Variants in MTRR observed in about 807,000 individuals in gnomAD.
MTRR encodes methionine synthase reductase.
In MTRR, 63 loss-of-function variants were observed where a neutral mutation model predicts 79.2. The ratio of observed to expected loss-of-function variants is 0.80; its 90% confidence interval spans 0.65 to 0.98. The LOEUF is 0.98. Ranked by LOEUF, MTRR falls within the 50% of genes least tolerant of loss-of-function variation. MTRR has a pLI of 0.00. For synonymous variants in MTRR, 355 were observed against 313.3 expected, an observed-to-expected ratio of 1.13 and a Z score of -1.41; for missense variants, 895 against 839.6, an observed-to-expected ratio of 1.07 and a Z score of -0.82.
chr5:7,875,432 A>C, intron 4 of MTRR, 57 bp downstream of exon 4: 8 of 1,374,060 alleles, frequency 5.8e-6, no homozygotes, highest in Non-Finnish European at 8.3e-6. Context: ...ATGGAAGTTG[A>C]TTTGTAAAAC....
upstream of MTRR, chr5:7,869,123 G>A (rs542841318): frequency 6.2e-7 from 1 of 1,613,474 alleles, no homozygotes; most frequent in Non-Finnish European, 8.5e-7. Context: ...TATTGGTCCT[G>A]GGTACCGAGC....
At chr5:7,899,815 C>A (rs1739184390) in intron 14 of MTRR, 99 bp from the exon 15 acceptor site, 2 of 1,450,384 alleles carry the variant, frequency 1.4e-6, no homozygotes, top group Admixed American at 3.3e-5. Flanking sequence ...GAGGGAAGAA[C>A]TATGGTGGTA....
chr5:7,899,613 A>G (rs958266358), intron 14 of MTRR, among the ~76,000 whole-genome samples: 1 of 152,182 alleles, frequency 6.6e-6, no homozygotes, highest in Non-Finnish European at 1.5e-5. Flanking sequence ...GGTCGGAGCC[A>G]GGCAGGACCT....
chr5:7,862,990 T>A (rs1229652208), intron 2 of MTRR: 3 of 1,612,622 alleles, frequency 1.9e-6, no homozygotes, highest in Non-Finnish European at 2.5e-6. Context: ...AGGAAGGAGT[T>A]TTGGACCCTA....
At chr5:7,892,102 C>T (rs1162677398) in intron 10 of MTRR, among the ~76,000 whole-genome samples, 1 of 152,172 alleles carries the variant, frequency 6.6e-6, no homozygotes, top group African/African-American at 2.4e-5. Context: ...CTGTGGCCTT[C>T]ATTCCATTGC....
intron 14 of MTRR, among the ~76,000 whole-genome samples, chr5:7,899,017 A>G (rs1739014286): frequency 6.6e-6 from 1 of 152,104 alleles, no homozygotes; most frequent in African/African-American, 2.4e-5. Flanking sequence ...ACAGAAGGCA[A>G]AGGGGGAGCA....
rs1203197024 is a variant in MTRR, at chr5:7,891,376, T to G, written c.1332T>G (p.His444Gln). ...CTTGTTTTTATTTTTTTCTAGAACATCTTCCTAAACTTCAACCCAGACCAT... is the reference window on the plus strand; with the variant it reads ...CTTGTTTTTATTTTTTTCTAGAACAGCTTCCTAAACTTCAACCCAGACCAT... ...CQPPLSLLLE[H>Q]LPKLQPRPYS... is the part of the protein sequence containing the mutation. The change falls in exon 10 of 15, where the codon CAT becomes CAG. Residue 444 changes from histidine (H) to glutamine (Q), a missense_variant. Transcript: ENST00000440940. 1 of 1,598,594 alleles carries G rather than the reference T, an allele frequency of 6.3e-7. No individual in the cohort carries two copies. The highest frequency in any genetic ancestry group is 2.3e-5 in the East Asian group (1 of 44,086).
intron 1 of MTRR, among the ~76,000 whole-genome samples, chr5:7,852,986 T>G (rs1746119357): frequency 6.6e-6 from 1 of 152,224 alleles, no homozygotes; most frequent in South Asian, 2.1e-4. Context: ...CAGATGTGAA[T>G]CTGCTAACTT....
upstream of MTRR, chr5:7,867,286 A>C: frequency 1.2e-6 from 2 of 1,613,782 alleles, no homozygotes; most frequent in Admixed American, 3.3e-5. Flanking sequence ...CTTTTTCAGT[A>C]CATGCCTGCA....
At position 7,900,234 on chromosome 5, in the gene MTRR, T is replaced by A; in HGVS notation, c.*176T>A. 1.4e-6 allele frequency: 1 copy of A among 735,394 alleles called. No homozygotes were observed. The highest frequency in any genetic ancestry group is 2.2e-6 in the Non-Finnish European group (1 of 461,822). 45.6% of individuals were successfully genotyped at this position (735,394 alleles called of 1,614,324 possible). ...ATAACAAAACTTCCTGATTTGATTT[T>A]ACGTATCTTCTATCTACGCCCTTCC... On this transcript the variant is annotated 3_prime_UTR_variant, in exon 15 of 15. Transcript: ENST00000440940.
intron 3 of MTRR, chr5:7,875,036 A>G: frequency 1.9e-6 from 1 of 535,750 alleles, no homozygotes; most frequent in Non-Finnish European, 3.3e-6. Flanking sequence ...AGCGGCCAAT[A>G]AGTATTTTGT....
upstream of MTRR, chr5:7,866,670 GC>G (rs1561105603): frequency 6.3e-7 from 1 of 1,595,980 alleles, no homozygotes; most frequent in Admixed American, 1.8e-5. Context: ...AGGAAAAGAG[GC>G]TTGAATATTT....
At chr5:7,866,838 C>T (rs772706206), upstream of MTRR, 2 of 1,613,888 alleles carry the variant, frequency 1.2e-6, no homozygotes, top group African/African-American at 1.3e-5. Flanking sequence ...TTGAGTTTCC[C>T]AAATGGTTCC....
rs756661047 is a variant in MTRR, at chr5:7,878,280, C to T, written c.738C>T (p.Pro246=). ...SQASLNIPGL[P]PEYLQVHLQE... ...CCTCTCTGAATATTCCTGGTTTACCCCCAGAATATTTACAGGTACATCTGC... is the reference window on the plus strand; with the variant it reads ...CCTCTCTGAATATTCCTGGTTTACCTCCAGAATATTTACAGGTACATCTGC... Residue 246 remains proline, a synonymous_variant, in exon 5 of 15, where the codon CCC becomes CCT. Coordinates refer to ENST00000440940, the MANE Select transcript of MTRR (RefSeq NM_002454.3). The T allele has an allele frequency of 6.2e-7, 1 of 1,614,196 alleles. No individual in the cohort carries two copies. Among genetic ancestry groups the T allele is most frequent in the South Asian group, 1.1e-5 (1 of 91,082 alleles).
chr5:7,862,873 G>C, intron 2 of MTRR: 2 of 1,613,890 alleles, frequency 1.2e-6, no homozygotes, highest in Non-Finnish European at 1.7e-6. Context: ...ATATAATCTT[G>C]CTCCTAAAAG....
intron 8 of MTRR, among the ~76,000 whole-genome samples, chr5:7,887,926 A>T (rs1736900450): frequency 6.6e-6 from 1 of 150,768 alleles, no homozygotes; most frequent in African/African-American, 2.4e-5. Flanking sequence ...CCTCTGAGTT[A>T]ACACTTGAAT....
At position 7,895,932 on chromosome 5, in the gene MTRR, G is replaced by A. The variant is rs1322307381; in HGVS notation, c.1676+80G>A. 7.1e-6 allele frequency: 11 copies of A among 1,547,362 alleles called. No homozygotes were observed. The East Asian group carries it at 2.5e-4, about 35-fold the overall frequency. On this transcript the variant is annotated intron_variant, in intron 12 of 14. Coordinates refer to ENST00000440940, the MANE Select transcript of MTRR (RefSeq NM_002454.3). The stretch of plus-strand genomic sequence containing the variant: ...TTCTTTAGTCATTTTGAGGATAATT[G>A]GACTTTGTAAAATTTTTATTTAAAA...
At chr5:7,863,037 GAT>G in intron 2 of MTRR, 1 of 1,543,298 alleles carries the variant, frequency 6.5e-7, no homozygotes. Flanking sequence ...AGAAAAATAA[GAT>G]ATAACAACAG....
At chr5:7,880,155 A>C (rs915257776) in intron 5 of MTRR, among the ~76,000 whole-genome samples, 1 of 152,198 alleles carries the variant, frequency 6.6e-6, no homozygotes, top group Non-Finnish European at 1.5e-5. Context: ...GGTCTTACCA[A>C]AGACCGCACT....
Sources: allele counts gnomAD v4.1 joint callset (sites outside exome capture counted in the v4.1 genomes callset), GRCh38; gene constraint gnomAD v4.1.1; transcripts MANE v1.5; gene names NCBI Gene and HGNC (gene_info 2026-07-23, HGNC 2026-07-21).